Variants in RNGTT observed in about 807,000 individuals in gnomAD.
RNGTT encodes the protein RNA guanylyltransferase and 5'-phosphatase, also known as mRNA-capping enzyme.
Under a neutral mutation model 79.3 loss-of-function variants are expected in RNGTT, and 33 were observed. The ratio of observed to expected loss-of-function variants is 0.42; its 90% confidence interval spans 0.32 to 0.56. RNGTT has a LOEUF of 0.56. Among genes scored for constraint, RNGTT ranks in the 20% least tolerant of loss-of-function variants. The pLI, the probability that RNGTT is intolerant of heterozygous loss-of-function variation, is 0.17. For missense variants in RNGTT, 497 were observed against 739.1 expected, an observed-to-expected ratio of 0.67 and a Z score of 3.80; for synonymous variants, 222 against 235.9, an observed-to-expected ratio of 0.94 and a Z score of 0.54.
intron 14 of RNGTT, among the ~76,000 whole-genome samples, chr6:88,631,805 CTA>C (rs1302243327): frequency 7.4e-6 from 1 of 134,936 alleles, no homozygotes; most frequent in African/African-American, 2.9e-5. Flanking sequence ...TGATAGTAGG[CTA>C]TATATATTTT....
intron 11 of RNGTT, among the ~76,000 whole-genome samples, chr6:88,831,570 G>A (rs564861664): frequency 2.0e-5 from 3 of 152,246 alleles, no homozygotes; most frequent in African/African-American, 7.2e-5. Context: ...ATTCAACATA[G>A]TATTGAAGTT....
chr6:88,622,915 C>G (rs986967953), intron 14 of RNGTT, among the ~76,000 whole-genome samples: 8 of 152,004 alleles, frequency 5.3e-5, no homozygotes. Flanking sequence ...GAAAGGCAGA[C>G]AACAAACAAG....
chr6:88,685,723 G>C (rs1562194057), intron 13 of RNGTT, among the ~76,000 whole-genome samples: 1 of 151,790 alleles, frequency 6.6e-6, no homozygotes, highest in Admixed American at 6.6e-5. Context: ...TGGCAGAAAA[G>C]GTATTTGAAA....
intron 13 of RNGTT, among the ~76,000 whole-genome samples, chr6:88,726,588 G>A (rs1776915772): frequency 6.6e-6 from 1 of 151,788 alleles, no homozygotes; most frequent in Admixed American, 6.6e-5. Flanking sequence ...CTTCAGGACA[G>A]GAGGATAGAT....
intron 11 of RNGTT, among the ~76,000 whole-genome samples, chr6:88,838,334 C>T (rs925515885): frequency 2.6e-5 from 4 of 152,038 alleles, no homozygotes; most frequent in Admixed American, 2.6e-4. Context: ...ACCTTTTTCA[C>T]TTATATAGTT....
At chr6:88,935,231 G>A (rs1784629748) in intron 2 of RNGTT, among the ~76,000 whole-genome samples, 1 of 152,188 alleles carries the variant, frequency 6.6e-6, no homozygotes, top group Non-Finnish European at 1.5e-5. Flanking sequence ...TAAATCAGTT[G>A]GCTGTAAATG....
At chr6:88,784,424 C>T (rs963931503) in intron 12 of RNGTT, among the ~76,000 whole-genome samples, 1 of 152,118 alleles carries the variant, frequency 6.6e-6, no homozygotes. Flanking sequence ...GAGAGTCATG[C>T]TCACCTATAC....
At chr6:88,749,879 G>C (rs1777785055) in intron 13 of RNGTT, among the ~76,000 whole-genome samples, 1 of 152,144 alleles carries the variant, frequency 6.6e-6, no homozygotes, top group African/African-American at 2.4e-5. Context: ...AACACCTGTA[G>C]GGAAGAATGC....
At chr6:88,764,521 A>C (rs1197490244) in intron 13 of RNGTT, among the ~76,000 whole-genome samples, 1 of 152,238 alleles carries the variant, frequency 6.6e-6, no homozygotes, top group Non-Finnish European at 1.5e-5. Flanking sequence ...TATATTTTAC[A>C]AAAGACTTTT....
chr6:88,939,622 T>G (rs1413750954), intron 2 of RNGTT, among the ~76,000 whole-genome samples: 1 of 152,142 alleles, frequency 6.6e-6, no homozygotes, highest in African/African-American at 2.4e-5. Context: ...TCATGAATTT[T>G]TTTATTATGC....
chr6:88,885,035 G>A (rs372621763), intron 8 of RNGTT, among the ~76,000 whole-genome samples: 4 of 151,340 alleles, frequency 2.6e-5, no homozygotes, highest in South Asian at 4.2e-4. Context: ...GTACGAACTC[G>A]TGATTTTGAA....
intron 10 of RNGTT, among the ~76,000 whole-genome samples, chr6:88,848,257 G>A (rs189916483): frequency 3.9e-5 from 6 of 152,112 alleles, no homozygotes; most frequent in Admixed American, 3.3e-4. Context: ...ATTTAGCAAT[G>A]CAGATAATAT....
chr6:88,773,498 TAAAAA>T (rs57587069), intron 12 of RNGTT, among the ~76,000 whole-genome samples: 15 of 141,504 alleles, frequency 1.1e-4, no homozygotes, highest in African/African-American at 3.9e-4. Flanking sequence ...AAATTATTGG[TAAAAA>T]AAAAAAAATC....
chr6:88,956,476 T>A (rs997342638), intron 1 of RNGTT, among the ~76,000 whole-genome samples: 4 of 152,182 alleles, frequency 2.6e-5, no homozygotes, highest in Non-Finnish European at 2.9e-5. Flanking sequence ...AAAGAAGAAT[T>A]GCTACCAATC....
chr6:88,741,278 A>G (rs1319212384), intron 13 of RNGTT, among the ~76,000 whole-genome samples: 1 of 152,200 alleles, frequency 6.6e-6, no homozygotes, highest in Non-Finnish European at 1.5e-5. Context: ...AAAAAGAAGG[A>G]AATCATGTCC....
intron 14 of RNGTT, among the ~76,000 whole-genome samples, chr6:88,664,632 G>A (rs1774323697): frequency 6.6e-6 from 1 of 152,184 alleles, no homozygotes; most frequent in African/African-American, 2.4e-5. Context: ...CGCTTGCAAC[G>A]TAACCAGTGC....
chr6:88,726,389 C>CAAAAAAAAAAAAAAA (rs61210098), intron 13 of RNGTT, among the ~76,000 whole-genome samples: 6 of 99,534 alleles, frequency 6.0e-5, no homozygotes, highest in Admixed American at 2.0e-4. Flanking sequence ...ATCCTAAGTC[C>CAAAAAAAAAAAAAAA]AAAAAAAAAA....
chr6:88,846,111 A>C (rs1781474479), intron 10 of RNGTT, among the ~76,000 whole-genome samples: 1 of 152,184 alleles, frequency 6.6e-6, no homozygotes, highest in Non-Finnish European at 1.5e-5. Context: ...AATAGACTGA[A>C]AGCAAGTTCA....
intron 4 of RNGTT, among the ~76,000 whole-genome samples, chr6:88,922,511 T>C (rs143722438): frequency 3.2e-4 from 48 of 152,142 alleles, no homozygotes; most frequent in African/African-American, 1.1e-3. Flanking sequence ...GTTTTTAGAT[T>C]TCCTCAATTA....
Sources: gnomAD v4.1 joint callset for allele counts (sites outside exome capture counted in the v4.1 genomes callset) on GRCh38, gnomAD v4.1.1 for gene constraint, MANE v1.5 for transcripts, NCBI Gene and HGNC (gene_info 2026-07-23, HGNC 2026-07-21) for gene names.